The following HEPACAM variants were observed in gnomAD, a reference collection of about 807,000 sequenced individuals.
HEPACAM encodes the protein hepatocyte cell adhesion molecule.
A neutral mutation model predicts 38.3 loss-of-function variants in HEPACAM; 18 were observed. The ratio of observed to expected loss-of-function variants is 0.47; its 90% confidence interval spans 0.33 to 0.70. HEPACAM has a LOEUF of 0.70. Ranked by LOEUF, HEPACAM falls within the 30% of genes least tolerant of loss-of-function variation. HEPACAM has a pLI of 0.03. For synonymous variants in HEPACAM, 216 were observed against 243.1 expected, an observed-to-expected ratio of 0.89 and a Z score of 1.04; for missense variants, 466 against 563.0, an observed-to-expected ratio of 0.83 and a Z score of 1.74.
In HEPACAM at chr11:124,924,850, A is replaced by G. The variant is rs771769870; in HGVS notation, c.305T>C (p.Phe102Ser). 6.2e-7 allele frequency: 1 copy of G among 1,614,134 alleles called. No homozygotes were observed. Among genetic ancestry groups the G allele is most frequent in the South Asian group, 1.1e-5 (1 of 91,088 alleles). ...GCTGAGAAGCAGGGAGCCATTTTCA[A>G]AGAGTCGGATACGGTCTCGATAGTC... ...RPDYRDRIRL[F>S]ENGSLLLSDL... The change falls in exon 2 of 7, where the codon TTT becomes TCT. Residue 102 changes from phenylalanine (F) to serine (S), a missense_variant. By Grantham distance (155) the Phe-to-Ser change is radical. Coordinates refer to ENST00000298251, the MANE Select transcript of HEPACAM (RefSeq NM_152722.5). This position sits in a 1 kb window ranked among gnomAD's most constrained non-coding sequence, Gnocchi z 4.4.
rs71042463 is a variant in HEPACAM at position 124,920,678 on chromosome 11, CA to C, written c.*459del. 0.041 allele frequency: 23,474 copies of C among 571,224 alleles called. 21 individuals carry two copies. Among genetic ancestry groups the C allele is most frequent in the African/African-American group, 0.046 (986 of 21,392 alleles). The allele number at this position is 571,224 out of a possible 1,614,324, so 35.4% of individuals were successfully genotyped here. On this transcript the variant is annotated 3_prime_UTR_variant, in exon 7 of 7. Transcript: ENST00000298251. ...AAGTGGCCTCTCTAATCTGAACTTG[CA>C]AAAAAAAAAAAAAAAAAAAAAAAAA...
chr11:124,920,555 G>A lies in HEPACAM; in HGVS notation c.*583C>T. ...CAGGTACCAGGTGCCCAGGGAAGAAGGCCTTCACAATGATCCCCCCAGCTC... is the reference window on the plus strand; with the variant it reads ...CAGGTACCAGGTGCCCAGGGAAGAAAGCCTTCACAATGATCCCCCCAGCTC... On this transcript the variant is annotated 3_prime_UTR_variant, in exon 7 of 7. Transcript: ENST00000298251. 1 of 1,363,180 alleles carries A rather than the reference G, an allele frequency of 7.3e-7. No homozygotes were observed. The highest frequency in any genetic ancestry group is 1.5e-5 in the South Asian group (1 of 68,588). The allele number at this position is 1,363,180 out of a possible 1,614,324, so 84.4% of individuals were successfully genotyped here.
chr11:124,923,271 TAAG>T, intron 4 of HEPACAM, 66 bp downstream of exon 4: 1 of 1,044,434 alleles, frequency 9.6e-7, no homozygotes, highest in Non-Finnish European at 1.5e-6. Context: ...TAAAGAGACT[TAAG>T]AAAATAATGG....
chr11:124,929,836 A>G (rs1212573907), intron 1 of HEPACAM, among the ~76,000 whole-genome samples: 1 of 152,114 alleles, frequency 6.6e-6, no homozygotes, highest in Non-Finnish European at 1.5e-5. Flanking sequence ...CATCCCTTAG[A>G]GAAATCACCA....
intron 4 of HEPACAM, 145 bp from the exon 5 acceptor site, chr11:124,922,963 G>T (rs906152720): frequency 2.3e-6 from 2 of 852,826 alleles, no homozygotes; most frequent in Non-Finnish European, 3.9e-6. Context: ...GCTTTGGAAG[G>T]AATCACATCT....
At chr11:124,928,271 T>C (rs1947242368) in intron 1 of HEPACAM, among the ~76,000 whole-genome samples, 1 of 152,194 alleles carries the variant, frequency 6.6e-6, no homozygotes, top group East Asian at 1.9e-4. Flanking sequence ...TCTGTGATTA[T>C]CAACTGCTAG....
intron 1 of HEPACAM, among the ~76,000 whole-genome samples, chr11:124,926,637 C>T (rs1947213567): frequency 6.6e-6 from 1 of 152,164 alleles, no homozygotes; most frequent in Admixed American, 6.5e-5. Context: ...TGAATAGACA[C>T]ATACATGCAG....
intron 1 of HEPACAM, among the ~76,000 whole-genome samples, chr11:124,927,969 T>A (rs150021709): frequency 2.0e-5 from 3 of 152,348 alleles, no homozygotes; most frequent in Middle Eastern, 6.8e-3. Flanking sequence ...TGTGTGAATA[T>A]CATATGCTTG....
chr11:124,932,586 G>C (rs1947292119), intron 1 of HEPACAM, among the ~76,000 whole-genome samples: 1 of 152,164 alleles, frequency 6.6e-6, no homozygotes, highest in Non-Finnish European at 1.5e-5. Flanking sequence ...GTCTGCCATA[G>C]TATAAGATTA....
intron 1 of HEPACAM, among the ~76,000 whole-genome samples, chr11:124,926,704 C>A (rs2135401786): frequency 6.6e-6 from 1 of 152,210 alleles, no homozygotes; most frequent in Non-Finnish European, 1.5e-5. Flanking sequence ...CTCTGAAGCT[C>A]CCTCATTCTT....
At chr11:124,931,686 T>C (rs1947282765) in intron 1 of HEPACAM, among the ~76,000 whole-genome samples, 1 of 152,178 alleles carries the variant, frequency 6.6e-6, no homozygotes, top group Non-Finnish European at 1.5e-5. Flanking sequence ...AACACACAAA[T>C]ACCCTATAAT....
Position 124,919,581 on chromosome 11 carries a change from C to G in HEPACAM, c.*1557G>C. ...GCATTATCTCATTATGGATGAGGCACCTGGGAAGTTTAGGGGAGCTGCGAA... is the reference window on the plus strand; with the variant it reads ...GCATTATCTCATTATGGATGAGGCAGCTGGGAAGTTTAGGGGAGCTGCGAA... On this transcript the variant is annotated 3_prime_UTR_variant, in exon 7 of 7. Transcript: ENST00000298251. 1.5e-6 allele frequency: 1 copy of G among 661,424 alleles called. No homozygotes were observed. The highest frequency in any genetic ancestry group is 2.7e-5 in the East Asian group (1 of 37,028). 41.0% of individuals were successfully genotyped at this position (661,424 alleles called of 1,614,324 possible). A position where few individuals can be genotyped will look rare whatever the true frequency, so the allele number is the denominator to read the frequency against.
chr11:124,933,648 T>C (rs1947307953), intron 1 of HEPACAM, among the ~76,000 whole-genome samples: 1 of 152,166 alleles, frequency 6.6e-6, no homozygotes, highest in Non-Finnish European at 1.5e-5. Flanking sequence ...ATTTGTGTCG[T>C]TCCTATTCTC....
chr11:124,920,373 GA>G lies in HEPACAM; in HGVS notation c.*764del. The G allele has an allele frequency of 6.5e-7, 1 of 1,541,706 alleles. No individual in the cohort carries two copies. Among genetic ancestry groups the G allele is most frequent in the South Asian group, 1.2e-5 (1 of 82,920 alleles). ...AAGCCCATCCATCTCTTTTATTCATGAACAGAGACAGAAAGAGTGCTTGGCA... is the reference window on the plus strand; with the variant it reads ...AAGCCCATCCATCTCTTTTATTCATGACAGAGACAGAAAGAGTGCTTGGCA... On this transcript the variant is annotated 3_prime_UTR_variant, in exon 7 of 7. Transcript: ENST00000298251.
At chr11:124,926,336 T>G (rs1332020259) in intron 1 of HEPACAM, among the ~76,000 whole-genome samples, 2 of 152,232 alleles carry the variant, frequency 1.3e-5, no homozygotes, top group African/African-American at 2.4e-5. Context: ...TGGGCCTTAT[T>G]ATTGATACAT....
Position 124,924,680 on chromosome 11 carries a change from C to G in HEPACAM, c.427+48G>C. 2 of 1,524,504 alleles carry G rather than the reference C, an allele frequency of 1.3e-6. No homozygotes were observed. The highest frequency in any genetic ancestry group is 1.8e-6 in the Non-Finnish European group (2 of 1,099,860). The allele number at this position is 1,524,504 out of a possible 1,614,324, so 94.4% of individuals were successfully genotyped here. On this transcript the variant is annotated intron_variant, in intron 2 of 6. Coordinates refer to ENST00000298251, the MANE Select transcript of HEPACAM (RefSeq NM_152722.5). This position sits in a 1 kb window ranked among gnomAD's most constrained non-coding sequence, Gnocchi z 4.4. ...GCTGGTGCGCTGGGCAGACCTTTCCCTAGTCCCACCTGCCAGTCTTGCCTC... is the reference window on the plus strand; with the variant it reads ...GCTGGTGCGCTGGGCAGACCTTTCCGTAGTCCCACCTGCCAGTCTTGCCTC...
In HEPACAM at chr11:124,922,425, C is replaced by G; in HGVS notation, c.911G>C (p.Arg304Pro). 4 of 1,614,156 alleles carry G rather than the reference C, an allele frequency of 2.5e-6. No individual in the cohort carries two copies. The highest frequency in any genetic ancestry group is 2.5e-6 in the Non-Finnish European group (3 of 1,180,016). Residue 304 changes from arginine (R) to proline (P), a missense_variant, in exon 6 of 7, where the codon CGG becomes CCG. Arg to Pro is a moderately radical substitution (Grantham distance 103). Transcript: ENST00000298251. ...GATATAGAGTGCCATGGGGTTCTTC[C>G]GTTCCTGCTCACCACTTCGAGGGAG... ...DTLPRSGEQE[R>P]KNPMALYILK...
rs1370434421 is a variant in HEPACAM at position 124,921,133 on chromosome 11, GC to G, written c.*4del. 3 of 1,525,480 alleles carry G rather than the reference GC, an allele frequency of 2.0e-6. No homozygotes were observed. Among genetic ancestry groups the G allele is most frequent in the Non-Finnish European group, 2.6e-6 (3 of 1,143,154 alleles). The allele number at this position is 1,525,480 out of a possible 1,614,324, so 94.5% of individuals were successfully genotyped here. A position where few individuals can be genotyped will look rare whatever the true frequency, so the allele number is the denominator to read the frequency against. ...CGGGCGCCTCTCAGGGGATCCCGAG[GC>G]GGCTCAGGCGCTGATCTCCACCGGG... On this transcript the variant is annotated 3_prime_UTR_variant, in exon 7 of 7. Coordinates refer to ENST00000298251, the MANE Select transcript of HEPACAM (RefSeq NM_152722.5). This position sits in a 1 kb window ranked among gnomAD's most constrained non-coding sequence, Gnocchi z 4.6.
At chr11:124,922,315 A>G in intron 6 of HEPACAM, 73 bp downstream of exon 6, 1 of 1,400,684 alleles carries the variant, frequency 7.1e-7, no homozygotes, top group Non-Finnish European at 1.0e-6. Context: ...GGAATATAGT[A>G]TGGCTCCCTA....
Sources: gnomAD v4.1 joint callset for allele counts (sites outside exome capture counted in the v4.1 genomes callset) on GRCh38, gnomAD v4.1.1 for gene constraint, Gnocchi (gnomAD v3.1) non-coding constraint, MANE v1.5 for transcripts, NCBI Gene and HGNC (gene_info 2026-07-23, HGNC 2026-07-21) for gene names.